The following SORCS2 variants were observed in gnomAD, a reference collection of about 807,000 sequenced individuals.
SORCS2 encodes the protein VPS10 domain-containing receptor SorCS2.
A neutral mutation model predicts 141.6 loss-of-function variants in SORCS2; 100 were observed. The observed-to-expected ratio is 0.71, with a 90% confidence interval of 0.60 to 0.83. SORCS2 has a LOEUF of 0.83. Ranked by LOEUF, SORCS2 falls within the 40% of genes least tolerant of loss-of-function variation. The pLI is 0.00. For missense variants in SORCS2, 1,646 were observed against 1,560.2 expected, an observed-to-expected ratio of 1.05 and a Z score of -0.93; for synonymous variants, 789 against 676.9, an observed-to-expected ratio of 1.17 and a Z score of -2.57.
In SORCS2 at chr4:7,650,740, GC is replaced by G. The variant is rs1560456311; in HGVS notation, c.814-3391del. Among the ~76,000 whole-genome samples the G allele has an allele frequency of 7.0e-5, 3 of 42,694 alleles. No homozygotes were observed. In the East Asian group the frequency reaches 2.0e-3, roughly 28 times the overall value. 28.0% of individuals were successfully genotyped at this position (42,694 alleles called of 152,430 possible). A position where few individuals can be genotyped will look rare whatever the true frequency, so the allele number is the denominator to read the frequency against. On this transcript the variant is annotated intron_variant, in intron 4 of 26. Transcript: ENST00000507866. ...TCCCCGCCCCGCCCAGCCCAGCCCA[GC>G]CCAGCCCAGCCCAGCCCAGCCCAGC...
intron 3 of SORCS2, among the ~76,000 whole-genome samples, chr4:7,629,316 G>T (rs1357767634): frequency 6.6e-6 from 1 of 152,162 alleles, no homozygotes; most frequent in Admixed American, 6.5e-5. Context: ...CCTCCGGGAA[G>T]GGGCTCTCCG....
intron 3 of SORCS2, among the ~76,000 whole-genome samples, chr4:7,558,861 C>T (rs1015391993): frequency 3.3e-5 from 5 of 152,222 alleles, no homozygotes; most frequent in Admixed American, 2.0e-4. Flanking sequence ...ACCCCAAAGC[C>T]GGCCCATAGA....
chr4:7,233,257 G>A lies in SORCS2; in HGVS notation c.480+40131G>A, dbSNP rs1712031779. Among the ~76,000 whole-genome samples, 3 of 152,180 alleles carry A rather than the reference G, an allele frequency of 2.0e-5. No individual in the cohort carries two copies. The highest frequency in any genetic ancestry group is 1.3e-4 in the Admixed American group (2 of 15,284). On this transcript the variant is annotated intron_variant, in intron 1 of 26. Transcript: ENST00000507866. The surrounding 1 kb of genome is among the most constrained non-coding windows in gnomAD (Gnocchi z 4.5). ...GCCAGCCCTGAGAACTAGGAAGGGT[G>A]GTGTGGGACCCAGACACCAACTGTG...
At chr4:7,724,589 T>G (rs1726964258) in intron 19 of SORCS2, among the ~76,000 whole-genome samples, 1 of 76,186 alleles carries the variant, frequency 1.3e-5, no homozygotes, top group Admixed American at 1.6e-4. Context: ...ATGGTGGTGG[T>G]GTTGGTGATG....
chr4:7,736,977 C>G, intron 25 of SORCS2, 92 bp from the exon 26 acceptor site: 1 of 1,496,008 alleles, frequency 6.7e-7, no homozygotes, highest in Non-Finnish European at 9.0e-7. Flanking sequence ...GTGCACCACA[C>G]TCGGTGTGGT....
chr4:7,629,522 C>T (rs1438627915), intron 3 of SORCS2, among the ~76,000 whole-genome samples: 1 of 151,968 alleles, frequency 6.6e-6, no homozygotes, highest in African/African-American at 2.4e-5. Flanking sequence ...CCTGCTGAAG[C>T]CCCTCACCCC....
At chr4:7,611,393 G>A (rs904323573) in intron 3 of SORCS2, among the ~76,000 whole-genome samples, 1 of 152,198 alleles carries the variant, frequency 6.6e-6, no homozygotes, top group Admixed American at 6.5e-5. Context: ...CCTGCACATA[G>A]ATTCCTTCCG....
intron 8 of SORCS2, among the ~76,000 whole-genome samples, chr4:7,670,996 T>C (rs1188590939): frequency 1.3e-5 from 2 of 152,204 alleles, no homozygotes; most frequent in Admixed American, 1.3e-4. Context: ...CTCTCTTTTA[T>C]TTTTCCCCCT....
intron 2 of SORCS2, among the ~76,000 whole-genome samples, chr4:7,507,375 G>A (rs190446982): frequency 1.3e-5 from 2 of 152,170 alleles, no homozygotes; most frequent in East Asian, 1.9e-4. Context: ...GGGTTTCACC[G>A]TGTTAGCCAG....
Position 7,659,525 on chromosome 4 carries a change from C to T in SORCS2, c.888-1975C>T, listed in dbSNP as rs181585588. On this transcript the variant is annotated intron_variant, in intron 5 of 26. Transcript: ENST00000507866. ...GGTGAATGGATGGGTGGATGTCCCT[C>T]AAAGGCGAGGCTTTCAGACTTGCCA... Among the ~76,000 whole-genome samples the T allele has an allele frequency of 1.4e-3, 210 of 152,310 alleles. 1 individual carries two copies. The highest frequency in any genetic ancestry group is 4.9e-3 in the African/African-American group (202 of 41,560).
chr4:7,257,573 A>G (rs1276208327), intron 1 of SORCS2, among the ~76,000 whole-genome samples: 1 of 152,114 alleles, frequency 6.6e-6, no homozygotes, highest in East Asian at 1.9e-4. Context: ...AGATGTTCAA[A>G]TAGCTTGTGT....
chr4:7,269,279 G>C (rs1172268961), intron 1 of SORCS2, among the ~76,000 whole-genome samples: 1 of 152,202 alleles, frequency 6.6e-6, no homozygotes, highest in African/African-American at 2.4e-5. Flanking sequence ...GAGTGAGACA[G>C]GCAAGTGACC....
chr4:7,513,698 C>T (rs1732800133), intron 2 of SORCS2, among the ~76,000 whole-genome samples: 1 of 152,224 alleles, frequency 6.6e-6, no homozygotes, highest in African/African-American at 2.4e-5. Flanking sequence ...ATCCTCAGAT[C>T]TGTGGCTGGA....
chr4:7,638,921 C>T (rs549704423), intron 4 of SORCS2, among the ~76,000 whole-genome samples: 52 of 152,348 alleles, frequency 3.4e-4, no homozygotes, highest in African/African-American at 1.0e-3. Context: ...TCGCCAAGAG[C>T]GGTGGCTTGT....
intron 10 of SORCS2, among the ~76,000 whole-genome samples, chr4:7,683,952 G>C (rs1278446713): frequency 6.6e-6 from 1 of 152,152 alleles, no homozygotes. Context: ...AAGGAGCCCT[G>C]GTCCTAGCTA....
intron 3 of SORCS2, among the ~76,000 whole-genome samples, chr4:7,580,289 C>G (rs1716054717): frequency 6.6e-6 from 1 of 152,102 alleles, no homozygotes; most frequent in Non-Finnish European, 1.5e-5. Context: ...TGAGACCAGC[C>G]TGGCCAATGT....
Position 7,337,964 on chromosome 4 carries a change from T to A in SORCS2, c.481-58324T>A, listed in dbSNP as rs998339280. 2.0e-5 allele frequency among the ~76,000 whole-genome samples: 3 copies of A among 152,314 alleles called. No individual in the cohort carries two copies. In the East Asian group the frequency reaches 5.8e-4, roughly 29 times the overall value. On this transcript the variant is annotated intron_variant, in intron 1 of 26. Transcript: ENST00000507866. ...CTCTGCGGACCTGCTGCCCTCTCTG[T>A]GGTCCCCACAGATGCCCTAACCCTA...
At chr4:7,671,467 C>A (rs1280365666) in intron 8 of SORCS2, among the ~76,000 whole-genome samples, 1 of 151,264 alleles carries the variant, frequency 6.6e-6, no homozygotes, top group African/African-American at 2.4e-5. Flanking sequence ...TAGAGAAAAA[C>A]AAGAAAATGA....
intron 13 of SORCS2, among the ~76,000 whole-genome samples, chr4:7,703,650 G>C (rs1334403768): frequency 1.3e-5 from 2 of 152,222 alleles, no homozygotes; most frequent in Non-Finnish European, 2.9e-5. Context: ...GAGGAGGTGA[G>C]GAATTAGTAA....
Sources: allele counts gnomAD v4.1 joint callset (sites outside exome capture counted in the v4.1 genomes callset), GRCh38; gene constraint gnomAD v4.1.1; non-coding constraint Gnocchi (gnomAD v3.1); transcripts MANE v1.5; gene names NCBI Gene and HGNC (gene_info 2026-07-23, HGNC 2026-07-21).